COLEC10: variants seen among roughly 807,000 people sequenced by gnomAD.
COLEC10 encodes collectin-10.
A neutral mutation model predicts 28.4 loss-of-function variants in COLEC10; 22 were observed. That is an observed-to-expected ratio of 0.78 (90% CI 0.55 to 1.11). COLEC10 has a LOEUF of 1.11. Ranked by LOEUF, COLEC10 falls within the 50% of genes least tolerant of loss-of-function variation. The pLI, the probability that COLEC10 is intolerant of heterozygous loss-of-function variation, is 0.00. For synonymous variants in COLEC10, 125 were observed against 116.1 expected, an observed-to-expected ratio of 1.08 and a Z score of -0.49; for missense variants, 361 against 344.1, an observed-to-expected ratio of 1.05 and a Z score of -0.39.
chr8:118,977,741 TATAATA>T, the COLEC10 span, among the ~76,000 whole-genome samples: 1 of 141,872 alleles, frequency 7.0e-6, no homozygotes, highest in African/African-American at 2.8e-5. Flanking sequence ...AAACTTAAAG[TATAATA>T]ATAATAAATA....
At chr8:118,986,904 T>A in the COLEC10 span, among the ~76,000 whole-genome samples, 1 of 152,188 alleles carries the variant, frequency 6.6e-6, no homozygotes. Flanking sequence ...TGGGGACAGA[T>A]GTTTTAATGG....
At chr8:119,016,991 G>T (rs1814003000) in intron 2 of COLEC10, among the ~76,000 whole-genome samples, 1 of 8,392 alleles carries the variant, frequency 1.2e-4, no homozygotes, top group Non-Finnish European at 4.0e-4. Flanking sequence ...TGGGATAACA[G>T]GGGTGAGCCA....
At chr8:119,021,334 G>A (rs1037775940) in intron 2 of COLEC10, among the ~76,000 whole-genome samples, 2 of 152,154 alleles carry the variant, frequency 1.3e-5, no homozygotes, top group Non-Finnish European at 2.9e-5. Context: ...GTGTAGCACT[G>A]CAGACTTCAT....
chr8:119,099,127 GA>G (rs1317739354), intron 3 of COLEC10, among the ~76,000 whole-genome samples: 2 of 151,986 alleles, frequency 1.3e-5, no homozygotes, highest in Non-Finnish European at 2.9e-5. Flanking sequence ...AAAGCATTAT[GA>G]TTTTTTTGTT....
At chr8:119,079,497 G>A (rs1284114544) in intron 1 of COLEC10, among the ~76,000 whole-genome samples, 1 of 152,068 alleles carries the variant, frequency 6.6e-6, no homozygotes, top group African/African-American at 2.4e-5. Flanking sequence ...GTTTCTATGG[G>A]CCTGACTGAG....
At chr8:119,075,650 C>T (rs1815213861) in intron 1 of COLEC10, among the ~76,000 whole-genome samples, 1 of 152,088 alleles carries the variant, frequency 6.6e-6, no homozygotes, top group African/African-American at 2.4e-5. Flanking sequence ...TCTATTTAGG[C>T]TCAACTGACA....
At chr8:119,067,492 C>A in intron 1 of COLEC10, 63 bp downstream of exon 1, 1 of 1,459,084 alleles carries the variant, frequency 6.9e-7, no homozygotes, top group South Asian at 1.2e-5. Flanking sequence ...CATCTCTGAA[C>A]CCCTTCCTAG....
the COLEC10 span, among the ~76,000 whole-genome samples, chr8:118,973,191 C>A: frequency 0.029 from 4,408 of 152,084 alleles, 127 homozygotes; most frequent in East Asian, 0.16. Context: ...GTTCTCTCAG[C>A]TTCTGCCTTT....
intron 4 of COLEC10, 111 bp from the exon 5 acceptor site, chr8:119,103,689 A>G (rs907988273): frequency 1.9e-5 from 13 of 673,764 alleles, no homozygotes; most frequent in Admixed American, 4.7e-5. Context: ...ATTCACAGAT[A>G]TATAGAACCA....
intron 1 of COLEC10, among the ~76,000 whole-genome samples, chr8:119,076,101 CG>C (rs1815227609): frequency 7.8e-6 from 1 of 128,522 alleles, no homozygotes; most frequent in African/African-American, 3.0e-5. Context: ...TAAGTAGAGA[CG>C]GGGTTTCACC....
chr8:118,983,085 A>T, the COLEC10 span, among the ~76,000 whole-genome samples: 1 of 152,198 alleles, frequency 6.6e-6, no homozygotes, highest in African/African-American at 2.4e-5. Flanking sequence ...GATGTCCTAC[A>T]TCTTTGCTGT....
chr8:119,005,598 C>T (rs1337582833), intron 1 of COLEC10, among the ~76,000 whole-genome samples: 1 of 152,056 alleles, frequency 6.6e-6, no homozygotes, highest in Non-Finnish European at 1.5e-5. Flanking sequence ...GATTACTTCC[C>T]AAATAAATTA....
chr8:119,081,877 A>G (rs1415336267), intron 1 of COLEC10, among the ~76,000 whole-genome samples: 2 of 152,216 alleles, frequency 1.3e-5, no homozygotes, highest in Non-Finnish European at 2.9e-5. Context: ...AATTTGCAAG[A>G]TAGTTGGGAA....
At chr8:119,008,362 G>C (rs1197653721) in intron 1 of COLEC10, among the ~76,000 whole-genome samples, 1 of 150,920 alleles carries the variant, frequency 6.6e-6, no homozygotes, top group East Asian at 1.9e-4. Flanking sequence ...TAATGATCTG[G>C]GGTAGTATTC....
the COLEC10 span, among the ~76,000 whole-genome samples, chr8:118,952,785 C>T: frequency 0.094 from 14,362 of 152,200 alleles, 850 homozygotes; most frequent in African/African-American, 0.17. Flanking sequence ...CTCAAGCTAT[C>T]GACAGAAGTT....
intron 1 of COLEC10, 130 bp from the exon 2 acceptor site, chr8:119,089,550 C>A: frequency 1.5e-6 from 1 of 663,480 alleles, no homozygotes; most frequent in Non-Finnish European, 2.7e-6. Context: ...TACATCCATA[C>A]TCACAGCTGG....
chr8:118,985,352 A>G, the COLEC10 span, among the ~76,000 whole-genome samples: 1 of 152,092 alleles, frequency 6.6e-6, no homozygotes, highest in Non-Finnish European at 1.5e-5. Flanking sequence ...TTTCTTCATG[A>G]TTCTGCGATG....
At chr8:119,105,357 GAAAA>G (rs1815915532) in intron 5 of COLEC10, among the ~76,000 whole-genome samples, 1 of 152,102 alleles carries the variant, frequency 6.6e-6, no homozygotes, top group Non-Finnish European at 1.5e-5. Context: ...TCTTATAGGG[GAAAA>G]TATTTCCACT....
the COLEC10 span, chr8:118,976,518 C>T: frequency 6.6e-6 from 1 of 152,240 alleles, no homozygotes. Context: ...TTACTGTGCT[C>T]GCTTCGGCAG....
Sources: allele counts gnomAD v4.1 joint callset (sites outside exome capture counted in the v4.1 genomes callset), GRCh38; gene constraint gnomAD v4.1.1; transcripts MANE v1.5; gene names NCBI Gene and HGNC (gene_info 2026-07-23, HGNC 2026-07-21).